The following WWP2 variants were observed in gnomAD, a reference collection of about 807,000 sequenced individuals.
WWP2 encodes the protein NEDD4-like E3 ubiquitin-protein ligase WWP2.
In WWP2, 57 loss-of-function variants were observed where a neutral mutation model predicts 121.0. That is an observed-to-expected ratio of 0.47 (90% CI 0.38 to 0.59). WWP2 has a LOEUF of 0.59. WWP2 is among the 20% of genes least tolerant of loss of function. The pLI is 0.00. For missense variants in WWP2, 962 were observed against 1,158.9 expected (o/e 0.83, Z 2.47); for synonymous variants, 449 against 441.3 (o/e 1.02, Z -0.22).
At position 69,925,139 on chromosome 16, in the gene WWP2, A is replaced by G. The variant is rs1323473120; in HGVS notation, c.1180-291A>G. ...GCCAGGGCTGCTCCCTGCCTCCGCC[A>G]CCCTGGCACACCTTCACCCGCGTAC... On this transcript the variant is annotated intron_variant, in intron 10 of 23. Coordinates refer to ENST00000359154, the MANE Select transcript of WWP2 (RefSeq NM_001270454.2). The surrounding 1 kb of genome is among the most constrained non-coding windows in gnomAD (Gnocchi z 4.0). The G allele has an allele frequency of 1.7e-6, 2 of 1,161,086 alleles. No homozygotes were observed. The highest frequency in any genetic ancestry group is 2.1e-6 in the Non-Finnish European group (2 of 939,854). 71.9% of individuals were successfully genotyped at this position (1,161,086 alleles called of 1,614,324 possible).
intron 1 of WWP2, among the ~76,000 whole-genome samples, chr16:69,771,245 A>T (rs1350310395): frequency 6.6e-6 from 1 of 152,120 alleles, no homozygotes; most frequent in Non-Finnish European, 1.5e-5. Flanking sequence ...AAAGTTCTGT[A>T]ATAATTATTA....
At chr16:69,821,562 G>A (rs1254952109) in intron 4 of WWP2, among the ~76,000 whole-genome samples, 4 of 152,174 alleles carry the variant, frequency 2.6e-5, no homozygotes, top group East Asian at 1.9e-4. Flanking sequence ...GGTCAGCCTC[G>A]TGGGAACACA....
rs1466959426 is a variant in WWP2 at position 69,941,438 on chromosome 16, C to T, written c.*1498C>T. ...CTGTCGTGTGTGCTGATTTGAGTGG[C>T]TTAGCTTGCCACAGCGCAGCCTCTT... On this transcript the variant is annotated 3_prime_UTR_variant, in exon 24 of 24. Transcript: ENST00000359154. 1.3e-5 allele frequency: 2 copies of T among 153,810 alleles called. No homozygotes were observed. The highest frequency in any genetic ancestry group is 2.9e-5 in the Non-Finnish European group (2 of 68,078). The allele number at this position is 153,810 out of a possible 1,614,324, so 9.5% of individuals were successfully genotyped here. A position where few individuals can be genotyped will look rare whatever the true frequency, so the allele number is the denominator to read the frequency against.
chr16:69,806,953 T>TATTTATTTATTTATTC (rs770245519), intron 4 of WWP2, among the ~76,000 whole-genome samples: 36 of 146,170 alleles, frequency 2.5e-4, no homozygotes, highest in African/African-American at 8.2e-4. Context: ...TTTATTTATT[T>TATTTATTTATTTATTC]ATTCATTCAT....
chr16:69,812,401 G>T (rs1295140442), intron 4 of WWP2, among the ~76,000 whole-genome samples: 2 of 150,922 alleles, frequency 1.3e-5, no homozygotes, highest in Non-Finnish European at 2.9e-5. Context: ...TTGACCTCAG[G>T]TAACCTGCCC....
intron 6 of WWP2, among the ~76,000 whole-genome samples, chr16:69,862,096 G>A (rs566913489): frequency 1.3e-5 from 2 of 152,210 alleles, no homozygotes; most frequent in East Asian, 3.9e-4. Context: ...ACAGACTTTC[G>A]CTCTTGTTGC....
chr16:69,815,484 TAAA>T (rs34598258), intron 4 of WWP2, among the ~76,000 whole-genome samples: 1 of 138,924 alleles, frequency 7.2e-6, no homozygotes, highest in Admixed American at 7.2e-5. Context: ...CCTGTCTCTT[TAAA>T]AAAAAAAAAA....
At chr16:69,833,642 CG>C (rs906948807) in intron 4 of WWP2, among the ~76,000 whole-genome samples, 4 of 152,332 alleles carry the variant, frequency 2.6e-5, no homozygotes, top group African/African-American at 9.6e-5. Context: ...AGGGTGCAGT[CG>C]TATAGCTGAA....
intron 16 of WWP2, among the ~76,000 whole-genome samples, chr16:69,932,923 T>C (rs2058738872): frequency 6.6e-6 from 1 of 152,186 alleles, no homozygotes; most frequent in African/African-American, 2.4e-5. Context: ...GGTGTGGGCA[T>C]GTCTTCCCGC....
At chr16:69,800,530 C>T (rs1199051044) in intron 4 of WWP2, among the ~76,000 whole-genome samples, 1 of 151,660 alleles carries the variant, frequency 6.6e-6, no homozygotes, top group African/African-American at 2.4e-5. Flanking sequence ...ACAAAATTTG[C>T]CCCTAAGCAC....
chr16:69,923,871 T>G (rs1310499876), intron 10 of WWP2, among the ~76,000 whole-genome samples: 1 of 152,198 alleles, frequency 6.6e-6, no homozygotes, highest in Non-Finnish European at 1.5e-5. Flanking sequence ...TGGAGGAACT[T>G]GGATTTTATG....
At chr16:69,932,046 C>T (rs2058723319) in intron 16 of WWP2, among the ~76,000 whole-genome samples, 156 bp downstream of exon 16, 1 of 152,234 alleles carries the variant, frequency 6.6e-6, no homozygotes. Flanking sequence ...AATACGTGAA[C>T]CCGCCAGGCG....
chr16:69,835,173 C>G (rs1209806141), intron 4 of WWP2, among the ~76,000 whole-genome samples: 1 of 152,132 alleles, frequency 6.6e-6, no homozygotes, highest in Non-Finnish European at 1.5e-5. Flanking sequence ...GGAAGACATA[C>G]TGGAAGAGAA....
chr16:69,856,945 A>C (rs923878656), intron 6 of WWP2, among the ~76,000 whole-genome samples: 1 of 151,920 alleles, frequency 6.6e-6, no homozygotes, highest in East Asian at 1.9e-4. Context: ...GTTTTTTTGT[A>C]ACAGCATTTA....
rs1178182331 is a variant in WWP2 at position 69,842,008 on chromosome 16, A to C, written c.479-16A>C. On this transcript the variant is annotated splice_polypyrimidine_tract_variant and intron_variant, in intron 5 of 23. Coordinates refer to ENST00000359154, the MANE Select transcript of WWP2 (RefSeq NM_001270454.2). ...CTCAATGCTTCTGTCTTTTCTTGTG[A>C]TTGATTCCTTTCTAGGATCACAGCT... is the stretch of plus-strand genomic sequence containing the variant. 1.2e-6 allele frequency: 2 copies of C among 1,608,462 alleles called. No homozygotes were observed. The highest frequency in any genetic ancestry group is 1.7e-6 in the Non-Finnish European group (2 of 1,177,016).
At chr16:69,848,506 T>A (rs918802560) in intron 6 of WWP2, among the ~76,000 whole-genome samples, 6 of 150,450 alleles carry the variant, frequency 4.0e-5, no homozygotes, top group African/African-American at 1.5e-4. Flanking sequence ...GTGCAGTGGC[T>A]CATGCCTGTA....
intron 4 of WWP2, among the ~76,000 whole-genome samples, chr16:69,811,435 A>G (rs2056391092): frequency 6.6e-6 from 1 of 152,054 alleles, no homozygotes; most frequent in Non-Finnish European, 1.5e-5. Flanking sequence ...AGTGAGACCC[A>G]TGCCACCCCT....
chr16:69,805,620 T>G (rs893368650), intron 4 of WWP2, among the ~76,000 whole-genome samples: 3 of 150,602 alleles, frequency 2.0e-5, no homozygotes, highest in Non-Finnish European at 4.4e-5. Flanking sequence ...GGATGTTGAG[T>G]TTTTTTTTGA....
At chr16:69,821,758 C>T (rs2056597063) in intron 4 of WWP2, among the ~76,000 whole-genome samples, 2 of 142,058 alleles carry the variant, frequency 1.4e-5, no homozygotes, top group Admixed American at 7.3e-5. Context: ...GATGTAGTCT[C>T]ACTGTGTCAG....
Sources: gnomAD v4.1 joint callset for allele counts (sites outside exome capture counted in the v4.1 genomes callset) on GRCh38, gnomAD v4.1.1 for gene constraint, Gnocchi (gnomAD v3.1) non-coding constraint, MANE v1.5 for transcripts, NCBI Gene and HGNC (gene_info 2026-07-23, HGNC 2026-07-21) for gene names.